ARHGAP24: variants seen among roughly 807,000 people sequenced by gnomAD.
ARHGAP24 encodes rho GTPase-activating protein 24.
Under a neutral mutation model 76.4 loss-of-function variants are expected in ARHGAP24, and 50 were observed. The observed-to-expected ratio is 0.65, with a 90% CI of 0.52 to 0.83. The LOEUF (loss-of-function observed/expected upper bound fraction) is 0.83, where lower values mean the gene tolerates loss of function less well. Among genes scored for constraint, ARHGAP24 ranks in the 40% least tolerant of loss-of-function variants. The probability of loss-of-function intolerance (pLI) is 0.00; values close to 1 mark genes in which losing one functional copy is unlikely to be tolerated. For missense variants in ARHGAP24, 930 were observed against 914.2 expected (o/e 1.02, Z -0.22); for synonymous variants, 345 against 323.3 (o/e 1.07, Z -0.72).
At chr4:85,819,646 C>T (rs909963907) in intron 3 of ARHGAP24, among the ~76,000 whole-genome samples, 2 of 152,102 alleles carry the variant, frequency 1.3e-5, no homozygotes, top group Non-Finnish European at 1.5e-5. Flanking sequence ...TGGCCAGGTG[C>T]GGTGGCTCAT....
At chr4:85,726,269 A>C (rs72656257) in intron 3 of ARHGAP24, among the ~76,000 whole-genome samples, 11,131 of 152,126 alleles carry the variant, frequency 0.073, 481 homozygotes, top group Middle Eastern at 0.1. Context: ...CAGTTCCTGG[A>C]TAATGGGGAT....
rs891369607 is a variant in ARHGAP24 at position 85,731,025 on chromosome 4, C to G, written c.268+9053C>G. On this transcript the variant is annotated intron_variant, in intron 3 of 9. Transcript: ENST00000395184. The stretch of plus-strand genomic sequence containing the variant: ...ACACACACACACACACACACACACA[C>G]ACAGAGAGAGAGACTGGGCATGTGT... 3.3e-3 allele frequency among the ~76,000 whole-genome samples: 273 copies of G among 83,708 alleles called. 1 individual carries two copies. Among genetic ancestry groups the G allele is most frequent in the African/African-American group, 9.5e-3 (259 of 27,184 alleles). 54.9% of individuals were successfully genotyped at this position (83,708 alleles called of 152,430 possible).
chr4:85,991,634 T>C (rs1285937546), intron 8 of ARHGAP24: 1 of 152,132 alleles, frequency 6.6e-6, no homozygotes, highest in African/African-American at 2.4e-5. Flanking sequence ...TTATATGAAA[T>C]TGTAAAAAAA....
At chr4:85,816,284 AC>A (rs1324807258) in intron 3 of ARHGAP24, among the ~76,000 whole-genome samples, 1 of 152,140 alleles carries the variant, frequency 6.6e-6, no homozygotes, top group Non-Finnish European at 1.5e-5. Flanking sequence ...GAAACTTTGC[AC>A]CCTTTGATCA....
At chr4:85,559,437 G>C (rs1468000352) in intron 1 of ARHGAP24, among the ~76,000 whole-genome samples, 1 of 152,126 alleles carries the variant, frequency 6.6e-6, no homozygotes, top group Admixed American at 6.5e-5. Flanking sequence ...TCTACTCTTA[G>C]CAATGTTTAA....
chr4:85,642,957 T>A (rs1010726552), intron 2 of ARHGAP24, among the ~76,000 whole-genome samples: 2 of 152,138 alleles, frequency 1.3e-5, no homozygotes, highest in African/African-American at 4.8e-5. Flanking sequence ...CTCCTGTGTC[T>A]CCGCCCCTTG....
At chr4:85,476,099 A>T (rs1722587660) in intron 1 of ARHGAP24, among the ~76,000 whole-genome samples, 1 of 149,314 alleles carries the variant, frequency 6.7e-6, no homozygotes, top group Non-Finnish European at 1.5e-5. Context: ...TAAAATATAT[A>T]CATATATTTG....
chr4:85,544,619 A>G (rs978668885), intron 1 of ARHGAP24, among the ~76,000 whole-genome samples: 5 of 152,026 alleles, frequency 3.3e-5, no homozygotes, highest in African/African-American at 1.2e-4. Flanking sequence ...CTCTAATTTT[A>G]AGGGTTTTTT....
intron 2 of ARHGAP24, among the ~76,000 whole-genome samples, chr4:85,620,547 A>G (rs4693722): frequency 0.93 from 141,238 of 151,650 alleles, 65,807 homozygotes; most frequent in East Asian, 0.98. Flanking sequence ...TTTCTTAATC[A>G]AATCTTTCTA....
intron 5 of ARHGAP24, among the ~76,000 whole-genome samples, chr4:85,948,301 TC>T (rs1737406527): frequency 6.6e-6 from 1 of 152,132 alleles, no homozygotes; most frequent in African/African-American, 2.4e-5. Context: ...TAATAGAATA[TC>T]GTATAATAGG....
chr4:85,856,690 T>C (rs1370989816), intron 3 of ARHGAP24, among the ~76,000 whole-genome samples: 4 of 152,070 alleles, frequency 2.6e-5, no homozygotes, highest in African/African-American at 7.2e-5. Context: ...AAGCTAGTCT[T>C]GGCACCTGAC....
At chr4:85,758,841 AAAATGATGCGT>A (rs1473952225) in intron 3 of ARHGAP24, among the ~76,000 whole-genome samples, 1 of 152,206 alleles carries the variant, frequency 6.6e-6, no homozygotes, top group Admixed American at 6.5e-5. Flanking sequence ...ACTGTTAAGG[AAAATGATGCGT>A]AAATCACCCC....
chr4:85,501,535 G>A (rs919461251), intron 1 of ARHGAP24, among the ~76,000 whole-genome samples: 1 of 152,196 alleles, frequency 6.6e-6, no homozygotes, highest in Non-Finnish European at 1.5e-5. Context: ...TTTGAGAAGT[G>A]TCTGTTCATA....
intron 5 of ARHGAP24, among the ~76,000 whole-genome samples, chr4:85,943,471 T>G (rs956316946): frequency 6.6e-6 from 1 of 152,032 alleles, no homozygotes; most frequent in African/African-American, 2.4e-5. Context: ...TTATTTTATT[T>G]TATTATTCTT....
At chr4:85,641,168 C>T (rs1400189069) in intron 2 of ARHGAP24, among the ~76,000 whole-genome samples, 2 of 152,126 alleles carry the variant, frequency 1.3e-5, no homozygotes, top group Admixed American at 6.6e-5. Flanking sequence ...ACAATTATAG[C>T]TCACTGTGGC....
intron 1 of ARHGAP24, among the ~76,000 whole-genome samples, chr4:85,487,699 TTTA>T (rs1211246252): frequency 5.6e-5 from 6 of 106,680 alleles, no homozygotes; most frequent in African/African-American, 8.2e-5. Flanking sequence ...TAAATATATA[TTTA>T]TTATATTATA....
intron 3 of ARHGAP24, among the ~76,000 whole-genome samples, chr4:85,803,925 C>T (rs1728680865): frequency 1.3e-5 from 2 of 151,382 alleles, no homozygotes; most frequent in South Asian, 4.2e-4. Context: ...TATAAATGGA[C>T]AAATTCTTTT....
chr4:85,706,058 G>A (rs987388434), intron 2 of ARHGAP24, among the ~76,000 whole-genome samples: 3 of 152,154 alleles, frequency 2.0e-5, no homozygotes, highest in Admixed American at 6.5e-5. Flanking sequence ...GATTTCAGCT[G>A]GGTATGAAGT....
intron 1 of ARHGAP24, among the ~76,000 whole-genome samples, chr4:85,550,994 T>A (rs888441001): frequency 7.7e-6 from 1 of 130,102 alleles, no homozygotes; most frequent in East Asian, 2.4e-4. Flanking sequence ...AGTTTGATGG[T>A]CTCTCTTACT....
Sources: gnomAD v4.1 joint callset for allele counts (sites outside exome capture counted in the v4.1 genomes callset) on GRCh38, gnomAD v4.1.1 for gene constraint, MANE v1.5 for transcripts, NCBI Gene and HGNC (gene_info 2026-07-23, HGNC 2026-07-21) for gene names.